The following DCDC2B variants were observed in gnomAD, a reference collection of about 807,000 sequenced individuals.
DCDC2B encodes the protein doublecortin domain-containing protein 2B.
DCDC2B carries 41 observed loss-of-function variants against 38.9 expected under a neutral mutation model. The ratio of observed to expected loss-of-function variants is 1.05; its 90% confidence interval spans 0.82 to 1.37. The LOEUF (loss-of-function observed/expected upper bound fraction) is 1.37. Among genes scored for constraint, DCDC2B ranks in the 40% most tolerant of loss-of-function variants. The pLI, the probability that DCDC2B is intolerant of heterozygous loss-of-function variation, is 0.00. For missense variants in DCDC2B, 453 were observed against 427.2 expected (o/e 1.06, Z -0.53); for synonymous variants, 181 against 171.9 (o/e 1.05, Z -0.41).
In DCDC2B at chr1:32,212,571, T is replaced by G; in HGVS notation, c.609T>G (p.Asp203Glu). 6.2e-7 allele frequency: 1 copy of G among 1,614,014 alleles called. No individual in the cohort carries two copies. Among genetic ancestry groups the G allele is most frequent in the Non-Finnish European group, 8.5e-7 (1 of 1,179,892 alleles). Residue 203 changes from aspartate (D) to glutamate (E), a missense_variant, in exon 5 of 9, where the codon GAT becomes GAG. Coordinates refer to ENST00000409358, the MANE Select transcript of DCDC2B (RefSeq NM_001099434.2). ...TGHYYVAVGE[D>E]EFKDLPYLEL... ...ATTACTATGTGGCTGTCGGAGAGGATGAGTTCAAGGACCTTCCCTATCTGG... is the reference window on the plus strand; with the variant it reads ...ATTACTATGTGGCTGTCGGAGAGGAGGAGTTCAAGGACCTTCCCTATCTGG...
chr1:32,212,224 C>A, intron 4 of DCDC2B, 23 bp downstream of exon 4: 1 of 1,604,706 alleles, frequency 6.2e-7, no homozygotes, highest in African/African-American at 1.3e-5. Context: ...ACTGCGAGGG[C>A]CCAAAAGTCC....
At chr1:32,210,096 G>C (rs961444646) in intron 1 of DCDC2B, among the ~76,000 whole-genome samples, 2 of 152,196 alleles carry the variant, frequency 1.3e-5, no homozygotes, top group African/African-American at 4.8e-5. Context: ...GGAAGGCCAA[G>C]GCGGGCAGAT....
chr1:32,215,658 C>G, intron 8 of DCDC2B, 115 bp downstream of exon 8: 1 of 1,125,762 alleles, frequency 8.9e-7, no homozygotes. Flanking sequence ...AGTAAATGAT[C>G]TCCTAACTTC....
At chr1:32,210,325 TAAAAAAAAA>T in intron 1 of DCDC2B, among the ~76,000 whole-genome samples, 1 of 78,746 alleles carries the variant, frequency 1.3e-5, no homozygotes, top group African/African-American at 5.0e-5. Context: ...AAACTCCATC[TAAAAAAAAA>T]AAAAAAAAAA....
Position 32,215,866 on chromosome 1 carries a change from T to G in DCDC2B, c.1019T>G (p.Ile340Ser), listed in dbSNP as rs370602905. 7.7e-6 allele frequency: 12 copies of G among 1,550,910 alleles called. No homozygotes were observed. The African/African-American group carries it at 1.7e-4, about 21-fold the overall frequency. Reference protein sequence around the residue: ...LENQPGAGAAISASAPALPS With the variant: ...LENQPGAGAASSASAPALPS ...AACCAGCCTGGGGCTGGGGCTGCTA[T>G]CTCAGCCTCAGCCCCAGCTCTGCCA... is the stretch of plus-strand genomic sequence containing the variant. The change falls in exon 9 of 9, where the codon ATC becomes AGC. Residue 340 changes from isoleucine to serine, a missense_variant. Coordinates refer to ENST00000409358, the MANE Select transcript of DCDC2B (RefSeq NM_001099434.2).
rs1446344982 is a variant in DCDC2B, at chr1:32,215,882, A to G, written c.1035A>G (p.Pro345=). The G allele has an allele frequency of 8.4e-6, 13 of 1,551,534 alleles. No homozygotes were observed. The highest frequency in any genetic ancestry group is 1.1e-5 in the Non-Finnish European group (13 of 1,147,184). ...GGGCTGCTATCTCAGCCTCAGCCCC[A>G]GCTCTGCCATCTTGAGAGCCAGCAG... ...GAGAAISASA[P]ALPS is the part of the protein sequence containing the mutation. Residue 345 remains proline (P), a synonymous_variant, in exon 9 of 9, where the codon CCA becomes CCG. Transcript: ENST00000409358.
chr1:32,214,741 T>G, intron 6 of DCDC2B, 56 bp from the exon 7 acceptor site: 1 of 1,604,862 alleles, frequency 6.2e-7, no homozygotes, highest in South Asian at 1.1e-5. Context: ...AACTGGGGAG[T>G]AGGAAAGGTA....
rs1292910622 is a variant in DCDC2B, at chr1:32,212,806, G to A, written c.714+13G>A. 6.2e-7 allele frequency: 1 copy of A among 1,613,324 alleles called. No homozygotes were observed. Reference sequence around the variant, plus strand: ...CCACAGGCAGGGGGTAGGTGACGCAGGGGACAATGAGGGGTGGGAAGAAGG... The same window carrying A: ...CCACAGGCAGGGGGTAGGTGACGCAAGGGACAATGAGGGGTGGGAAGAAGG... On this transcript the variant is annotated intron_variant, in intron 6 of 8. Coordinates refer to ENST00000409358, the MANE Select transcript of DCDC2B (RefSeq NM_001099434.2).
At chr1:32,209,891 A>C (rs940832699) in intron 1 of DCDC2B, among the ~76,000 whole-genome samples, 13 of 152,156 alleles carry the variant, frequency 8.5e-5, no homozygotes, top group African/African-American at 3.1e-4. Context: ...CTATAATGTA[A>C]GGATCAAGAG....
intron 6 of DCDC2B, among the ~76,000 whole-genome samples, chr1:32,213,308 A>C (rs1643663355): frequency 6.6e-6 from 1 of 150,900 alleles, no homozygotes; most frequent in African/African-American, 2.4e-5. Flanking sequence ...CTGTGATTAC[A>C]CTATGCCCAG....
intron 4 of DCDC2B, 28 bp downstream of exon 4, chr1:32,212,229 A>G (rs1383848764): frequency 6.9e-6 from 11 of 1,603,904 alleles, no homozygotes; most frequent in Non-Finnish European, 9.4e-6. Context: ...GAGGGCCCAA[A>G]AGTCCCCAAA....
chr1:32,215,456 T>G lies in DCDC2B; in HGVS notation c.867T>G (p.Tyr289Ter). The change falls in exon 8 of 9, where the codon TAT (tyrosine) becomes TAG (stop). Residue 289 changes from tyrosine (Y) to a stop codon, truncating the protein, a stop_gained. Coordinates refer to ENST00000409358, the MANE Select transcript of DCDC2B (RefSeq NM_001099434.2). LOFTEE classifies it high-confidence loss of function. ...LSFPSGVIGV[Y>*]GAPHRRKETA... ...CCTCTTTAGGAGTTATAGGAGTATA[T>G]GGAGCTCCCCACCGAAGGAAGGAGA... 1 of 1,612,868 alleles carries G rather than the reference T, an allele frequency of 6.2e-7. No homozygotes were observed. Among genetic ancestry groups the G allele is most frequent in the Non-Finnish European group, 8.5e-7 (1 of 1,179,632 alleles).
rs1553143995 is a variant in DCDC2B, at chr1:32,215,543, G to C, written c.954G>C (p.Gln318His). 2 of 1,612,700 alleles carry C rather than the reference G, an allele frequency of 1.2e-6. No individual in the cohort carries two copies. Among genetic ancestry groups the C allele is most frequent in the South Asian group, 1.1e-5 (1 of 90,998 alleles). The change falls in exon 8 of 9, where the codon CAG (glutamine) becomes CAC (histidine). Residue 318 changes from glutamine to histidine, a missense_variant and splice_region_variant. Gln to His is a conservative substitution (Grantham distance 24). Transcript: ENST00000409358. The stretch of plus-strand genomic sequence containing the variant: ...CTCAGACAGAGGAGCCCTTGGATCA[G>C]GTAAGCTGTTGGATCAGGAAACAGT... The part of the protein sequence containing the change: ...EDTQTEEPLD[Q>H]RAAQIVEEAL...
rs1277924237 is a variant in DCDC2B at position 32,209,107 on chromosome 1, G to C, written c.14G>C (p.Ser5Thr). 6 of 1,613,776 alleles carry C rather than the reference G, an allele frequency of 3.7e-6. No individual in the cohort carries two copies. The highest frequency in any genetic ancestry group is 4.2e-6 in the Non-Finnish European group (5 of 1,179,786). Reference sequence around the variant, plus strand: ...TGAGGATACACTATGGCAGGTGGCAGTCCAGCAGCCAAGAGGGTAGTGGTG... The same window carrying C: ...TGAGGATACACTATGGCAGGTGGCACTCCAGCAGCCAAGAGGGTAGTGGTG... MAGG[S>T]PAAKRVVVYR... The change falls in exon 1 of 9, where the codon AGT (serine) becomes ACT (threonine). Residue 5 changes from serine to threonine, a missense_variant. Transcript: ENST00000409358.
At chr1:32,212,285 A>G in intron 4 of DCDC2B, 84 bp downstream of exon 4, 1 of 1,579,118 alleles carries the variant, frequency 6.3e-7, no homozygotes, top group East Asian at 2.3e-5. Flanking sequence ...ATGAAGAGGC[A>G]AAAGGAAAGC....
At chr1:32,210,011 G>A (rs1014667043) in intron 1 of DCDC2B, among the ~76,000 whole-genome samples, 1 of 152,166 alleles carries the variant, frequency 6.6e-6, no homozygotes, top group African/African-American at 2.4e-5. Context: ...TGGCCAACAT[G>A]GCGAAACTCT....
At position 32,211,838 on chromosome 1, in the gene DCDC2B, GT is replaced by G; in HGVS notation, c.395+2del. The G allele has an allele frequency of 6.2e-7, 1 of 1,606,714 alleles. No individual in the cohort carries two copies. The highest frequency in any genetic ancestry group is 1.1e-5 in the South Asian group (1 of 89,424). On this transcript the variant is annotated splice_donor_variant, in intron 3 of 8. Coordinates refer to ENST00000409358, the MANE Select transcript of DCDC2B (RefSeq NM_001099434.2). LOFTEE classifies it high-confidence loss of function. ...CTGCAGGTGCTCCCAGCTATATCCAGTGAGTGCCAGTGTGAGGGAGCAGGGG... is the reference window on the plus strand; with the variant it reads ...CTGCAGGTGCTCCCAGCTATATCCAGGAGTGCCAGTGTGAGGGAGCAGGGG...
chr1:32,212,337 G>A, intron 4 of DCDC2B, 136 bp downstream of exon 4: 1 of 1,527,632 alleles, frequency 6.5e-7, no homozygotes, highest in Non-Finnish European at 8.9e-7. Flanking sequence ...CACTGGGAGA[G>A]GGCCCTCTGC....
intron 6 of DCDC2B, among the ~76,000 whole-genome samples, chr1:32,214,260 T>C (rs61145495): frequency 0.14 from 19,874 of 137,278 alleles, 1,859 homozygotes; most frequent in South Asian, 0.26. Context: ...TGTGGTGAGC[T>C]GAGATCACAC....
Sources: allele counts gnomAD v4.1 joint callset (sites outside exome capture counted in the v4.1 genomes callset), GRCh38; gene constraint gnomAD v4.1.1; transcripts MANE v1.5; gene names NCBI Gene and HGNC (gene_info 2026-07-23, HGNC 2026-07-21).